The following COL6A5 variants were observed in gnomAD, a reference collection of about 807,000 sequenced individuals.
COL6A5 encodes collagen alpha-5(VI) chain.
In COL6A5, 48 loss-of-function variants were observed where a neutral mutation model predicts 65.6. The observed-to-expected ratio is 0.73, with a 90% CI of 0.58 to 0.93. The LOEUF (loss-of-function observed/expected upper bound fraction) is 0.93, where lower values mean the gene tolerates loss of function less well. COL6A5 is among the 40% of genes least tolerant of loss of function. The probability of loss-of-function intolerance (pLI) is 0.00; values close to 1 mark genes in which losing one functional copy is unlikely to be tolerated. For synonymous variants in COL6A5, 291 were observed against 322.8 expected (o/e 0.90, Z 1.05); for missense variants, 914 against 928.3 (o/e 0.98, Z 0.20).
intron 20 of COL6A5, among the ~76,000 whole-genome samples, chr3:130,411,661 G>A (rs933730126): frequency 6.6e-6 from 1 of 152,134 alleles, no homozygotes; most frequent in East Asian, 1.9e-4. Flanking sequence ...AAATTTTAAA[G>A]ATAAGTGTGT....
At chr3:130,465,980 A>G (rs1305541108) in intron 5 of COL6A5, among the ~76,000 whole-genome samples, 1 of 152,076 alleles carries the variant, frequency 6.6e-6, no homozygotes, top group Non-Finnish European at 1.5e-5. Context: ...AAACATAGCA[A>G]TAGAAATTCT....
chr3:130,402,255 C>T (rs1483946689), intron 12 of COL6A5, among the ~76,000 whole-genome samples: 3 of 152,116 alleles, frequency 2.0e-5, no homozygotes, highest in Non-Finnish European at 4.4e-5. Flanking sequence ...GGCAACATAA[C>T]GAGACCCCAT....
At chr3:130,354,192 G>A (rs1934834621) in intron 1 of COL6A5, among the ~76,000 whole-genome samples, 1 of 152,010 alleles carries the variant, frequency 6.6e-6, no homozygotes, top group East Asian at 1.9e-4. Flanking sequence ...TATCCAAGCA[G>A]GAAAGAAAAA....
chr3:130,481,418 G>A (rs546885176), intron 7 of COL6A5, among the ~76,000 whole-genome samples: 16 of 152,132 alleles, frequency 1.1e-4, no homozygotes, highest in South Asian at 2.1e-4. Flanking sequence ...GTGTATATGT[G>A]CCACATTTTC....
At chr3:130,450,217 G>A (rs964972367) in intron 4 of COL6A5, among the ~76,000 whole-genome samples, 7 of 152,040 alleles carry the variant, frequency 4.6e-5, no homozygotes, top group Non-Finnish European at 8.8e-5. Context: ...TTGATGTTGG[G>A]GCCTGGGACC....
In COL6A5 at chr3:130,350,704, A is replaced by G. The variant is rs181817471; in HGVS notation, c.-29+4723A>G. Among the ~76,000 whole-genome samples, 33 of 152,360 alleles carry G rather than the reference A, an allele frequency of 2.2e-4. 1 individual carries two copies. In the East Asian group the frequency reaches 3.7e-3, roughly 17 times the overall value. The stretch of plus-strand genomic sequence containing the variant: ...GAACATTCCATGCTCATGGATAGGA[A>G]GAATCAATATTGTGAAAATGGCCAT... On this transcript the variant is annotated intron_variant and NMD_transcript_variant, in intron 1 of 41. Transcript: ENST00000312481.
chr3:130,455,071 T>C (rs1709536096), intron 4 of COL6A5, among the ~76,000 whole-genome samples: 1 of 151,824 alleles, frequency 6.6e-6, no homozygotes. Flanking sequence ...GCCCAGGAGG[T>C]TGAGGCTGCA....
chr3:130,410,341 A>G (rs2107673757), intron 19 of COL6A5, 130 bp from the exon 20 acceptor site: 1 of 705,298 alleles, frequency 1.4e-6, no homozygotes, highest in East Asian at 2.7e-5. Context: ...AACTGTTAAT[A>G]TGCAGAATGA....
intron 17 of COL6A5, among the ~76,000 whole-genome samples, chr3:130,407,831 T>C (rs965370560): frequency 6.6e-6 from 1 of 152,200 alleles, no homozygotes; most frequent in African/African-American, 2.4e-5. Context: ...CAATGGAACA[T>C]GTTGCAGGAA....
chr3:130,413,964 A>G, intron 21 of COL6A5, 105 bp from the exon 22 acceptor site: 1 of 839,452 alleles, frequency 1.2e-6, no homozygotes, highest in South Asian at 1.6e-5. Context: ...GTGAGCCACA[A>G]GTCAGACAAA....
At chr3:130,380,144 A>G in intron 4 of COL6A5, 94 bp downstream of exon 4, 2 of 921,266 alleles carry the variant, frequency 2.2e-6, no homozygotes, top group South Asian at 2.1e-5. Flanking sequence ...AATTGGATAA[A>G]GGAACTTTCA....
chr3:130,416,866 A>T lies in COL6A5; in HGVS notation c.4887+47A>T. 3.1e-6 allele frequency: 3 copies of T among 953,788 alleles called. 1 individual carries two copies. Among genetic ancestry groups the T allele is most frequent in the Non-Finnish European group, 4.7e-6 (3 of 638,836 alleles). The allele number at this position is 953,788 out of a possible 1,614,324, so 59.1% of individuals were successfully genotyped here. A position where few individuals can be genotyped will look rare whatever the true frequency, so the allele number is the denominator to read the frequency against. On this transcript the variant is annotated intron_variant and NMD_transcript_variant, in intron 24 of 41. Coordinates refer to the COL6A5 transcript ENST00000312481. ...TAATTCTTTTAAAAACATATTTTAT[A>T]TTTAATGGATAATTAATAATTGCAT...
chr3:130,387,288 G>A (rs1303027223), intron 5 of COL6A5, among the ~76,000 whole-genome samples: 1 of 152,052 alleles, frequency 6.6e-6, no homozygotes, highest in Non-Finnish European at 1.5e-5. Context: ...ATCTTTAGAT[G>A]GGCAATCATC....
chr3:130,362,314 ATATATATATATATTTTTTTTTTT>A (rs1327927475), intron 1 of COL6A5, among the ~76,000 whole-genome samples: 51 of 15,482 alleles, frequency 3.3e-3, no homozygotes, highest in Admixed American at 0.021. Flanking sequence ...ATATATATAT[ATATATATATATATTTTTTTTTTT>A]TTTTTTTTTT....
chr3:130,424,965 CTTGTTCAAAGTTAT>C (rs1340910499), intron 29 of COL6A5, among the ~76,000 whole-genome samples: 4 of 152,060 alleles, frequency 2.6e-5, no homozygotes, highest in Non-Finnish European at 5.9e-5. Context: ...TGCTTAAGAA[CTTGTTCAAAGTTAT>C]TTAAGGGCTC....
exon 3 of COL6A5, chr3:130,440,521 C>G (rs756348433): frequency 6.2e-7 from 1 of 1,613,536 alleles, no homozygotes; most frequent in African/African-American, 1.3e-5. Context: ...TTGGTCGTGC[C>G]CTACTGTGGA....
intron 22 of COL6A5, among the ~76,000 whole-genome samples, chr3:130,414,581 G>A (rs1342219802): frequency 1.3e-5 from 2 of 152,112 alleles, no homozygotes; most frequent in Admixed American, 6.5e-5. Flanking sequence ...AGGGCTTTCT[G>A]TGAGCCATTT....
At chr3:130,359,791 A>T (rs1374378462) in intron 1 of COL6A5, among the ~76,000 whole-genome samples, 1 of 152,070 alleles carries the variant, frequency 6.6e-6, no homozygotes, top group African/African-American at 2.4e-5. Context: ...TTTCCTAGAG[A>T]CGGTCTGGCC....
At chr3:130,416,700 T>A in intron 23 of COL6A5, 57 bp from the exon 24 acceptor site, 1 of 964,464 alleles carries the variant, frequency 1.0e-6, no homozygotes, top group South Asian at 1.5e-5. Context: ...ATGTTTCTAA[T>A]GGGCTTTCTA....
Sources: allele counts gnomAD v4.1 joint callset (sites outside exome capture counted in the v4.1 genomes callset), GRCh38; gene constraint gnomAD v4.1.1; transcripts MANE v1.5; gene names NCBI Gene and HGNC (gene_info 2026-07-23, HGNC 2026-07-21).